Variants in ADAMTS16 observed in about 807,000 individuals in gnomAD.
The protein encoded by ADAMTS16 is A disintegrin and metalloproteinase with thrombospondin motifs 16.
Under a neutral mutation model 145.8 loss-of-function variants are expected in ADAMTS16, and 94 were observed. That is an observed-to-expected ratio of 0.64 (90% CI 0.55 to 0.77). The LOEUF (loss-of-function observed/expected upper bound fraction) is 0.77. ADAMTS16 is among the 30% of genes least tolerant of loss of function. ADAMTS16 has a pLI of 0.00. For missense variants in ADAMTS16, 1,585 were observed against 1,591.5 expected, an observed-to-expected ratio of 1.00 and a Z score of 0.07; for synonymous variants, 659 against 604.3, an observed-to-expected ratio of 1.09 and a Z score of -1.33.
At chr5:5,306,787 C>G in intron 21 of ADAMTS16, 59 bp downstream of exon 21, 2 of 1,460,580 alleles carry the variant, frequency 1.4e-6, no homozygotes, top group South Asian at 2.6e-5. Flanking sequence ...TGGGGTTGGC[C>G]GCTGGCTCCC....
chr5:5,159,505 G>A (rs538414933), intron 3 of ADAMTS16, among the ~76,000 whole-genome samples: 31 of 152,040 alleles, frequency 2.0e-4, no homozygotes, highest in Non-Finnish European at 3.5e-4. Context: ...AGTCCCCGCC[G>A]CCCCCACTCA....
At position 5,239,709 on chromosome 5, in the gene ADAMTS16, TG is replaced by T; in HGVS notation, c.2309del (p.Gly770GlufsTer10). On this transcript the variant is annotated frameshift_variant, in exon 16 of 23. Transcript: ENST00000274181. LOFTEE classifies it high-confidence loss of function. ...QYYHMVTIPSGARSIRIYEMN... is the reference protein window; with the variant it reads ...QYYHMVTIPSXARSIRIYEMN... ...ATTATCACATGGTCACCATTCCTTC[TG>T]GAGCCCGGAGTATCCGCATCTATGA... 1 of 1,614,220 alleles carries T rather than the reference TG, an allele frequency of 6.2e-7. No individual in the cohort carries two copies. Among genetic ancestry groups the T allele is most frequent in the Non-Finnish European group, 8.5e-7 (1 of 1,180,030 alleles).
intron 11 of ADAMTS16, chr5:5,223,096 C>T (rs1337511714): frequency 1.8e-6 from 1 of 543,044 alleles, no homozygotes; most frequent in African/African-American, 1.9e-5. Flanking sequence ...TGATGAGCTA[C>T]CTGGAATTCA....
At chr5:5,147,451 T>A (rs1734333724) in intron 3 of ADAMTS16, among the ~76,000 whole-genome samples, 1 of 152,246 alleles carries the variant, frequency 6.6e-6, no homozygotes, top group Non-Finnish European at 1.5e-5. Flanking sequence ...GAATTTTGGA[T>A]GCTGAATTCA....
chr5:5,292,600 A>G (rs1269753395), intron 18 of ADAMTS16, among the ~76,000 whole-genome samples: 1 of 152,126 alleles, frequency 6.6e-6, no homozygotes, highest in Non-Finnish European at 1.5e-5. Context: ...CCAGCCTTCC[A>G]TGGCTCTCCA....
chr5:5,310,087 T>C lies in ADAMTS16; in HGVS notation c.3411+3359T>C, dbSNP rs1233588716. The stretch of plus-strand genomic sequence containing the variant: ...AGAGGAGTGCAGAAATTAGTGCAGG[T>C]GCCTGTTGGGCAGCCGGGGTCAAGG... On this transcript the variant is annotated intron_variant, in intron 21 of 22. Coordinates refer to ENST00000274181, the MANE Select transcript of ADAMTS16 (RefSeq NM_139056.4). The surrounding 1 kb of genome is among the most constrained non-coding windows in gnomAD (Gnocchi z 4.3). Among the ~76,000 whole-genome samples the C allele has an allele frequency of 9.2e-5, 14 of 152,202 alleles. No homozygotes were observed. The East Asian group carries it at 2.3e-3, about 25-fold the overall frequency.
intron 12 of ADAMTS16, 144 bp from the exon 13 acceptor site, chr5:5,234,870 A>AG (rs5865597): frequency 0.73 from 257,948 of 352,170 alleles, 96,778 homozygotes; most frequent in East Asian, 0.83. Flanking sequence ...ACTCCATCTC[A>AG]AAAAAAAAAA....
rs754295364 is a variant in ADAMTS16 at position 5,191,730 on chromosome 5, C to T, written c.1253C>T (p.Thr418Met). Reference protein sequence around the residue: ...SGMCSKYRSCTINEDTGLGLA... With the variant: ...SGMCSKYRSCMINEDTGLGLA... The stretch of plus-strand genomic sequence containing the variant: ...ATGTGTAGTAAATATCGCAGCTGCA[C>T]GATTAATGAAGATACAGGTCTTGGA... Residue 418 changes from threonine to methionine, a missense_variant, in exon 8 of 23, where the codon ACG (threonine) becomes ATG (methionine). Thr to Met is a moderately conservative substitution (Grantham distance 81). Around this residue, in one of 3 missense-constraint regions of ADAMTS16, gnomAD observed 298 missense variants for 367.6 expected, o/e 0.81. Transcript: ENST00000274181. 16 of 1,613,582 alleles carry T rather than the reference C, an allele frequency of 9.9e-6. No homozygotes were observed. Among genetic ancestry groups the T allele is most frequent in the African/African-American group, 2.7e-5 (2 of 74,892 alleles).
chr5:5,186,080 C>A lies in ADAMTS16; in HGVS notation c.792C>A (p.Leu264=), dbSNP rs375958905. Residue 264 remains leucine (L), a synonymous_variant, in exon 5 of 23, where the codon CTC becomes CTA. Transcript: ENST00000274181. Reference sequence around the variant, plus strand: ...TGCCCCAGCCTCCCAAGGAAGACCTCTTCATCTTGCCAGATGAGTATAAGT... The same window carrying A: ...TGCCCCAGCCTCCCAAGGAAGACCTATTCATCTTGCCAGATGAGTATAAGT... ...KYMPQPPKED[L]FILPDEYKSC... 1.2e-6 allele frequency: 2 copies of A among 1,613,934 alleles called. No individual in the cohort carries two copies. The highest frequency in any genetic ancestry group is 3.3e-5 in the Admixed American group (2 of 60,024).
At chr5:5,185,488 T>G (rs1324235205) in intron 4 of ADAMTS16, among the ~76,000 whole-genome samples, 3 of 152,208 alleles carry the variant, frequency 2.0e-5, no homozygotes, top group Admixed American at 2.0e-4. Context: ...ACATAAATAT[T>G]TATGGTACTT....
chr5:5,291,461 G>T (rs976622665), intron 18 of ADAMTS16, among the ~76,000 whole-genome samples: 3 of 152,088 alleles, frequency 2.0e-5, no homozygotes, highest in African/African-American at 4.8e-5. Context: ...AGCCCTTCCC[G>T]AGCACTTCCT....
At chr5:5,291,372 A>G (rs1739309429) in intron 18 of ADAMTS16, among the ~76,000 whole-genome samples, 1 of 152,112 alleles carries the variant, frequency 6.6e-6, no homozygotes, top group Non-Finnish European at 1.5e-5. Context: ...TCCCTTTCCC[A>G]GGTGAGGGTT....
chr5:5,171,121 T>C (rs953584343), intron 3 of ADAMTS16, among the ~76,000 whole-genome samples: 4 of 152,268 alleles, frequency 2.6e-5, no homozygotes, highest in African/African-American at 9.6e-5. Context: ...GCTGATTTTA[T>C]GTCCTGCAAC....
intron 17 of ADAMTS16, among the ~76,000 whole-genome samples, chr5:5,246,663 G>A (rs767679972): frequency 6.6e-6 from 1 of 152,132 alleles, no homozygotes; most frequent in East Asian, 1.9e-4. Flanking sequence ...TGCCAAAGTC[G>A]GTGTTGCTTT....
At chr5:5,301,598 CG>C (rs1739773829) in intron 18 of ADAMTS16, among the ~76,000 whole-genome samples, 1 of 152,168 alleles carries the variant, frequency 6.6e-6, no homozygotes, top group African/African-American at 2.4e-5. Context: ...TCCCAGGTGC[CG>C]TGGCTGCTGC....
At chr5:5,263,039 T>C (rs2913657) in intron 18 of ADAMTS16, among the ~76,000 whole-genome samples, 42,556 of 152,160 alleles carry the variant, frequency 0.28, 6,054 homozygotes, top group Middle Eastern at 0.37. Flanking sequence ...TGTGCTTTAA[T>C]TGGTTGCAGG....
At chr5:5,304,006 T>C in intron 20 of ADAMTS16, among the ~76,000 whole-genome samples, 1 of 152,112 alleles carries the variant, frequency 6.6e-6, no homozygotes, top group East Asian at 1.9e-4. Flanking sequence ...TGGTCCAGCG[T>C]GGAGCAGAGG....
rs1322106470 is a variant in ADAMTS16, at chr5:5,319,374, G to T, written c.*236G>T. Reference sequence around the variant, plus strand: ...CAGGCTGAAATGTGGCACCCTGGCAGACAGAGCTGTGGCTCGTGAGGCAGA... The same window carrying T: ...CAGGCTGAAATGTGGCACCCTGGCATACAGAGCTGTGGCTCGTGAGGCAGA... On this transcript the variant is annotated 3_prime_UTR_variant, in exon 23 of 23. Coordinates refer to ENST00000274181, the MANE Select transcript of ADAMTS16 (RefSeq NM_139056.4). The T allele has an allele frequency of 2.1e-5, 11 of 521,110 alleles. No homozygotes were observed. The East Asian group carries it at 3.7e-4, about 18-fold the overall frequency. The allele number at this position is 521,110 out of a possible 1,614,324, so 32.3% of individuals were successfully genotyped here.
chr5:5,279,758 C>G (rs1031541830), intron 18 of ADAMTS16, among the ~76,000 whole-genome samples: 1 of 151,668 alleles, frequency 6.6e-6, no homozygotes, highest in African/African-American at 2.4e-5. Context: ...CCTGATTACC[C>G]TCCTTCATAT....
Sources: allele counts gnomAD v4.1 joint callset (sites outside exome capture counted in the v4.1 genomes callset), GRCh38; gene constraint gnomAD v4.1.1; regional missense constraint gnomAD v4.1.1; non-coding constraint Gnocchi (gnomAD v3.1); transcripts MANE v1.5; gene names NCBI Gene and HGNC (gene_info 2026-07-23, HGNC 2026-07-21).